Variants in CHD1L observed in about 807,000 individuals in gnomAD.
CHD1L encodes the protein chromodomain helicase DNA binding protein 1 like, also known as ATP-dependent chromatin remodeler CHD1L.
CHD1L carries 118 observed loss-of-function variants against 115.9 expected under a neutral mutation model. That is an observed-to-expected ratio of 1.02 (90% CI 0.88 to 1.19). The LOEUF is 1.19. CHD1L is among the 50% of genes most tolerant of loss of function. The pLI is 0.00. For missense variants in CHD1L, 1,179 were observed against 1,065.3 expected (o/e 1.11, Z -1.49); for synonymous variants, 411 against 387.1 (o/e 1.06, Z -0.72).
chr1:147,281,780 T>C (rs1165927850), intron 15 of CHD1L, among the ~76,000 whole-genome samples: 2 of 151,802 alleles, frequency 1.3e-5, no homozygotes, highest in Admixed American at 1.3e-4. Flanking sequence ...GACTTTTACT[T>C]CTACTTCTTT....
In CHD1L at chr1:147,287,686, G is replaced by A. The variant is rs370710748; in HGVS notation, c.2273G>A (p.Arg758Gln). 7.6e-5 allele frequency: 122 copies of A among 1,613,930 alleles called. No homozygotes were observed. The highest frequency in any genetic ancestry group is 1.3e-4 in the East Asian group (6 of 44,890). The change falls in exon 19 of 23, where the codon CGA (arginine) becomes CAA (glutamine). Residue 758 changes from arginine to glutamine, a missense_variant. Coordinates refer to ENST00000369258, the MANE Select transcript of CHD1L (RefSeq NM_004284.6). ...RGGLFTALEK[R>Q]SAEPRKIYEL... ...GGTTTATTTACAGCTCTGGAAAAGC[G>A]ATCCGCTGAGCCAAGAAAAATATAT...
chr1:147,229,643 A>G, the CHD1L span, among the ~76,000 whole-genome samples: 13,407 of 152,172 alleles, frequency 0.088, 668 homozygotes, highest in East Asian at 0.16. Context: ...ACCCATGAGC[A>G]TGGAATGTTC....
the CHD1L span, among the ~76,000 whole-genome samples, chr1:147,177,937 G>A: frequency 6.6e-6 from 1 of 152,122 alleles, no homozygotes; most frequent in African/African-American, 2.4e-5. Context: ...AACTGACAAC[G>A]ATTAGAGGAC....
the CHD1L span, chr1:147,209,174 C>G: frequency 2.9e-6 from 2 of 685,110 alleles, no homozygotes; most frequent in South Asian, 3.7e-5. Context: ...AATCCCAGCA[C>G]TTTGGGAGGC....
At chr1:147,203,681 T>A in the CHD1L span, 1 of 1,474,154 alleles carries the variant, frequency 6.8e-7, no homozygotes, top group Non-Finnish European at 9.5e-7. Context: ...TTTGGCTAAT[T>A]CAATTTCTGT....
At chr1:147,223,445 A>T in the CHD1L span, 1 of 152,278 alleles carries the variant, frequency 6.6e-6, no homozygotes, top group Non-Finnish European at 1.5e-5. Context: ...ACAATGTGTT[A>T]GTTTTTATGA....
chr1:147,284,755 C>T (rs1553964276), intron 16 of CHD1L, among the ~76,000 whole-genome samples: 1 of 152,052 alleles, frequency 6.6e-6, no homozygotes, highest in Admixed American at 6.6e-5. Context: ...TCCAAGTCAC[C>T]CCTAAAGGCA....
intron 19 of CHD1L, among the ~76,000 whole-genome samples, chr1:147,288,303 T>G (rs1553967691): frequency 1.7e-5 from 2 of 120,056 alleles, no homozygotes; most frequent in Non-Finnish European, 1.6e-5. Context: ...ACAGCCTGAG[T>G]GAGAGTGAGA....
At chr1:147,211,975 A>G in the CHD1L span, among the ~76,000 whole-genome samples, 3 of 152,236 alleles carry the variant, frequency 2.0e-5, no homozygotes, top group Admixed American at 2.0e-4. Context: ...AAAGTTTCCA[A>G]TGATCACGCG....
At chr1:147,190,164 G>A in the CHD1L span, 1 of 1,558,740 alleles carries the variant, frequency 6.4e-7, no homozygotes, top group Non-Finnish European at 8.8e-7. Flanking sequence ...ATCTTCCTGG[G>A]AGAGTTTCTT....
At chr1:147,212,552 A>G in the CHD1L span, 1 of 1,607,424 alleles carries the variant, frequency 6.2e-7, no homozygotes, top group Non-Finnish European at 8.5e-7. Flanking sequence ...GAGAAGGGAA[A>G]ATAATTATTG....
chr1:147,249,046 AG>A (rs1422447311), intron 1 of CHD1L, among the ~76,000 whole-genome samples: 6 of 152,272 alleles, frequency 3.9e-5, no homozygotes, highest in African/African-American at 1.4e-4. Context: ...TGATGTTCCA[AG>A]GTTCCATCTT....
intron 14 of CHD1L, among the ~76,000 whole-genome samples, chr1:147,277,529 A>G (rs1237391579): frequency 6.6e-6 from 1 of 152,212 alleles, no homozygotes; most frequent in East Asian, 1.9e-4. Context: ...CTAGAACTAG[A>G]AAGAGTAACA....
chr1:147,253,707 A>G (rs1467053007), intron 2 of CHD1L, among the ~76,000 whole-genome samples: 9 of 152,218 alleles, frequency 5.9e-5, no homozygotes, highest in Admixed American at 4.6e-4. Flanking sequence ...TATGTTGCCC[A>G]GGCTGGCCTT....
At chr1:147,290,071 A>G (rs1038179047) in intron 19 of CHD1L, among the ~76,000 whole-genome samples, 7 of 152,316 alleles carry the variant, frequency 4.6e-5, no homozygotes, top group Admixed American at 4.6e-4. Context: ...TCTGTAAAAT[A>G]AAAGGAACAA....
chr1:147,270,603 T>C (rs1490417571), intron 10 of CHD1L, among the ~76,000 whole-genome samples: 9 of 152,184 alleles, frequency 5.9e-5, no homozygotes, highest in Non-Finnish European at 1.2e-4. Flanking sequence ...TGAAAGCTTA[T>C]ATTTCTTTCC....
At chr1:147,215,105 A>G in the CHD1L span, 2 of 152,226 alleles carry the variant, frequency 1.3e-5, no homozygotes, top group African/African-American at 4.8e-5. Context: ...GAAAAGTCCT[A>G]GAATACTTTA....
At chr1:147,213,341 T>G in the CHD1L span, 1 of 1,612,530 alleles carries the variant, frequency 6.2e-7, no homozygotes, top group African/African-American at 1.3e-5. Flanking sequence ...TGAGCATTGG[T>G]GTGATGGCCA....
chr1:147,196,470 C>T, the CHD1L span, among the ~76,000 whole-genome samples: 297 of 151,786 alleles, frequency 2.0e-3, no homozygotes, highest in Middle Eastern at 3.4e-3. Context: ...TTGTGGGAGA[C>T]ACCCAATTCA....
Sources: gnomAD v4.1 joint callset for allele counts (sites outside exome capture counted in the v4.1 genomes callset) on GRCh38, gnomAD v4.1.1 for gene constraint, MANE v1.5 for transcripts, NCBI Gene and HGNC (gene_info 2026-07-23, HGNC 2026-07-21) for gene names.